DLGAP2: variants seen among roughly 807,000 people sequenced by gnomAD.
DLGAP2 encodes DLG associated protein 2, also known as disks large-associated protein 2.
A neutral mutation model predicts 100.3 loss-of-function variants in DLGAP2; 26 were observed. That is an observed-to-expected ratio of 0.26 (90% confidence interval 0.19 to 0.36). The LOEUF is 0.36. Ranked by LOEUF, DLGAP2 falls within the 10% of genes least tolerant of loss-of-function variation. DLGAP2 has a pLI of 1.00. For missense variants in DLGAP2, 1,858 were observed against 1,453.2 expected, an observed-to-expected ratio of 1.28 and a Z score of -4.53; for synonymous variants, 886 against 630.1, an observed-to-expected ratio of 1.41 and a Z score of -6.08.
chr8:1,150,746 G>C (rs1217689869), intron 2 of DLGAP2, among the ~76,000 whole-genome samples: 2 of 152,150 alleles, frequency 1.3e-5, no homozygotes, highest in Non-Finnish European at 2.9e-5. Flanking sequence ...ATAGAAGTGA[G>C]AGCATACATG....
At chr8:1,496,380 C>T (rs139112693) in intron 3 of DLGAP2, among the ~76,000 whole-genome samples, 2 of 152,240 alleles carry the variant, frequency 1.3e-5, no homozygotes, top group East Asian at 3.9e-4. Flanking sequence ...AGTATGCGCT[C>T]TGCCTCTCTG....
chr8:931,627 T>C lies in DLGAP2; in HGVS notation c.73+23661T>C, dbSNP rs61078905. On this transcript the variant is annotated intron_variant, in intron 2 of 14. Coordinates refer to ENST00000637795, the MANE Select transcript of DLGAP2 (RefSeq NM_001346810.2). Reference sequence around the variant, plus strand: ...TTACTTCCATTTGAATTTCATTTGTTCTCTGGAACCCTTGCCAGCCCATTC... The same window carrying C: ...TTACTTCCATTTGAATTTCATTTGTCCTCTGGAACCCTTGCCAGCCCATTC... Among the ~76,000 whole-genome samples, 432 of 152,276 alleles carry C rather than the reference T, an allele frequency of 2.8e-3. 15 individuals carry two copies. In the East Asian group the frequency reaches 0.071, roughly 25 times the overall value.
chr8:1,443,967 C>G (rs1797910983), intron 3 of DLGAP2, among the ~76,000 whole-genome samples: 1 of 152,182 alleles, frequency 6.6e-6, no homozygotes, highest in Non-Finnish European at 1.5e-5. Context: ...AGAGCTGTGA[C>G]TTAAGCTTTC....
intron 6 of DLGAP2, among the ~76,000 whole-genome samples, chr8:1,568,743 G>A (rs1324531257): frequency 2.6e-5 from 3 of 117,586 alleles, no homozygotes; most frequent in Non-Finnish European, 3.4e-5. Flanking sequence ...CGCTCTGCCC[G>A]TGGCCCCCAT....
intron 3 of DLGAP2, among the ~76,000 whole-genome samples, chr8:1,321,991 T>G (rs1039579229): frequency 6.6e-6 from 1 of 152,242 alleles, no homozygotes; most frequent in Non-Finnish European, 1.5e-5. Context: ...TGAAGCGTGC[T>G]TAAATTCTAG....
chr8:1,531,100 C>T (rs529086999), intron 4 of DLGAP2, among the ~76,000 whole-genome samples: 1 of 152,264 alleles, frequency 6.6e-6, no homozygotes, highest in South Asian at 2.1e-4. Flanking sequence ...TCCACATTCC[C>T]TTGAAAGTGC....
intron 3 of DLGAP2, among the ~76,000 whole-genome samples, chr8:1,281,288 G>T (rs921023231): frequency 2.0e-5 from 3 of 152,210 alleles, no homozygotes; most frequent in Non-Finnish European, 4.4e-5. Context: ...ATTGTGTTCT[G>T]TGAGAAACGG....
chr8:1,450,659 C>A (rs1563157005), intron 3 of DLGAP2, among the ~76,000 whole-genome samples: 1 of 152,038 alleles, frequency 6.6e-6, no homozygotes, highest in Non-Finnish European at 1.5e-5. Context: ...TCCCACTCTG[C>A]AATTATGTGA....
intron 2 of DLGAP2, among the ~76,000 whole-genome samples, chr8:1,162,189 G>T (rs1186423014): frequency 1.3e-5 from 2 of 152,224 alleles, no homozygotes; most frequent in Non-Finnish European, 2.9e-5. Context: ...GAACTCGGAG[G>T]CGAGGGAGGC....
At chr8:823,760 G>A (rs750509423) in intron 1 of DLGAP2, among the ~76,000 whole-genome samples, 11 of 152,146 alleles carry the variant, frequency 7.2e-5, no homozygotes, top group Non-Finnish European at 2.9e-5. Flanking sequence ...GTGGTCATTC[G>A]CAGCACGGGG....
chr8:803,826 T>C (rs1367967117), intron 1 of DLGAP2, among the ~76,000 whole-genome samples: 1 of 152,208 alleles, frequency 6.6e-6, no homozygotes, highest in African/African-American at 2.4e-5. Context: ...GCACATTATG[T>C]TTGCACTGCA....
At chr8:852,544 C>G (rs555045051) in intron 1 of DLGAP2, among the ~76,000 whole-genome samples, 14 of 151,088 alleles carry the variant, frequency 9.3e-5, no homozygotes, top group South Asian at 2.1e-4. Flanking sequence ...CTCTTGCCAG[C>G]TTAATCGATT....
At chr8:1,314,158 CTGTA>C (rs1800674721) in intron 3 of DLGAP2, among the ~76,000 whole-genome samples, 2 of 152,310 alleles carry the variant, frequency 1.3e-5, no homozygotes, top group South Asian at 4.1e-4. Flanking sequence ...TCCTATGAAA[CTGTA>C]TGATGAGAAA....
At chr8:1,591,938 G>T (rs572797418) in intron 6 of DLGAP2, among the ~76,000 whole-genome samples, 6 of 152,214 alleles carry the variant, frequency 3.9e-5, no homozygotes, top group Non-Finnish European at 8.8e-5. Flanking sequence ...GAGGAGGAGC[G>T]GAGGGAGGAG....
chr8:1,152,601 C>G (rs1478636683), intron 2 of DLGAP2, among the ~76,000 whole-genome samples: 1 of 150,972 alleles, frequency 6.6e-6, no homozygotes, highest in Non-Finnish European at 1.5e-5. Context: ...TCATGGGGGG[C>G]CCAGCAGGGG....
At chr8:800,624 TTA>T (rs1563037975) in intron 1 of DLGAP2, among the ~76,000 whole-genome samples, 3 of 151,988 alleles carry the variant, frequency 2.0e-5, no homozygotes, top group South Asian at 2.1e-4. Flanking sequence ...ACATGTATGT[TTA>T]TATGTGTGTG....
At chr8:928,117 C>G (rs1798858203) in intron 2 of DLGAP2, among the ~76,000 whole-genome samples, 1 of 152,278 alleles carries the variant, frequency 6.6e-6, no homozygotes, top group Non-Finnish European at 1.5e-5. Context: ...AGGGCGCCAG[C>G]CTGAAGCCAC....
At chr8:1,604,366 G>A (rs539418689) in intron 6 of DLGAP2, among the ~76,000 whole-genome samples, 2 of 152,190 alleles carry the variant, frequency 1.3e-5, no homozygotes, top group East Asian at 3.9e-4. Context: ...TACCTCAGTG[G>A]GGCATCCTAT....
At chr8:983,707 A>T (rs183038536) in intron 2 of DLGAP2, among the ~76,000 whole-genome samples, 10 of 151,968 alleles carry the variant, frequency 6.6e-5, no homozygotes, top group Non-Finnish European at 1.5e-4. Flanking sequence ...CAGTGGTGTG[A>T]TCGTGGCTCA....
Sources: gnomAD v4.1 joint callset for allele counts (sites outside exome capture counted in the v4.1 genomes callset) on GRCh38, gnomAD v4.1.1 for gene constraint, MANE v1.5 for transcripts, NCBI Gene and HGNC (gene_info 2026-07-23, HGNC 2026-07-21) for gene names.